Variants in ST8SIA1 observed in about 807,000 individuals in gnomAD.
ST8SIA1 encodes the protein alpha-N-acetylneuraminide alpha-2,8-sialyltransferase.
A neutral mutation model predicts 35.9 loss-of-function variants in ST8SIA1; 16 were observed. The ratio of observed to expected loss-of-function variants is 0.45; its 90% confidence interval spans 0.30 to 0.68. The LOEUF (loss-of-function observed/expected upper bound fraction) is 0.68, where lower values mean the gene tolerates loss of function less well. Among genes scored for constraint, ST8SIA1 ranks in the 30% least tolerant of loss-of-function variants. The pLI, the probability that ST8SIA1 is intolerant of heterozygous loss-of-function variation, is 0.09. For synonymous variants in ST8SIA1, 170 were observed against 169.6 expected, an observed-to-expected ratio of 1.00 and a Z score of -0.02; for missense variants, 383 against 453.6, an observed-to-expected ratio of 0.84 and a Z score of 1.41.
At chr12:22,266,848 T>TACACAC (rs145606826) in intron 2 of ST8SIA1, among the ~76,000 whole-genome samples, 261 of 145,042 alleles carry the variant, frequency 1.8e-3, no homozygotes, top group East Asian at 8.3e-3. Flanking sequence ...CACAAAAGTA[T>TACACAC]ACACACACAC....
chr12:22,311,683 T>C (rs1866450917), intron 1 of ST8SIA1, among the ~76,000 whole-genome samples: 1 of 152,148 alleles, frequency 6.6e-6, no homozygotes, highest in Non-Finnish European at 1.5e-5. Flanking sequence ...ACACTATTCA[T>C]GTTTTTATTT....
chr12:22,280,384 T>C (rs767136415), intron 2 of ST8SIA1, among the ~76,000 whole-genome samples: 11 of 152,180 alleles, frequency 7.2e-5, no homozygotes, highest in Non-Finnish European at 1.5e-4. Context: ...GAAAATGTTA[T>C]ATGGAACAGT....
intron 1 of ST8SIA1, among the ~76,000 whole-genome samples, chr12:22,321,373 C>G (rs769836495): frequency 6.6e-6 from 1 of 152,152 alleles, no homozygotes; most frequent in African/African-American, 2.4e-5. Flanking sequence ...AGGGTTCACG[C>G]GGAAGCAGCC....
At chr12:22,243,332 G>A (rs1865561254) in intron 4 of ST8SIA1, among the ~76,000 whole-genome samples, 1 of 152,006 alleles carries the variant, frequency 6.6e-6, no homozygotes, top group Admixed American at 6.5e-5. Context: ...CTGATGTCTT[G>A]GATTTGCACA....
chr12:22,257,241 TCGCTTAGTCA>T (rs1362797373), intron 2 of ST8SIA1, among the ~76,000 whole-genome samples: 1 of 152,026 alleles, frequency 6.6e-6, no homozygotes, highest in Non-Finnish European at 1.5e-5. Context: ...TGAGACAGTC[TCGCTTAGTCA>T]CCCAGGCTGG....
chr12:22,236,821 A>T (rs1336316762), intron 4 of ST8SIA1, among the ~76,000 whole-genome samples: 1 of 152,218 alleles, frequency 6.6e-6, no homozygotes, highest in Non-Finnish European at 1.5e-5. Flanking sequence ...AAGAAGATAA[A>T]TGGACATTTA....
intron 2 of ST8SIA1, among the ~76,000 whole-genome samples, chr12:22,281,607 T>C (rs1404452963): frequency 6.6e-6 from 1 of 151,872 alleles, no homozygotes. Context: ...GAGACTAGAG[T>C]ATTGTATGGG....
At chr12:22,295,324 G>C (rs1448028211) in intron 1 of ST8SIA1, among the ~76,000 whole-genome samples, 1 of 152,106 alleles carries the variant, frequency 6.6e-6, no homozygotes, top group Non-Finnish European at 1.5e-5. Flanking sequence ...CTGGGTCTGA[G>C]AATTAAATTG....
At chr12:22,257,745 A>C (rs1240188821) in intron 2 of ST8SIA1, among the ~76,000 whole-genome samples, 3 of 152,054 alleles carry the variant, frequency 2.0e-5, no homozygotes, top group African/African-American at 7.2e-5. Flanking sequence ...TAGGAAGGAT[A>C]TCAGAGAGTA....
At chr12:22,309,031 T>C (rs183592205) in intron 1 of ST8SIA1, among the ~76,000 whole-genome samples, 1 of 152,160 alleles carries the variant, frequency 6.6e-6, no homozygotes, top group South Asian at 2.1e-4. Flanking sequence ...CTAAAAGAGA[T>C]ACAAAAGAGA....
At chr12:22,328,117 T>C (rs139501189) in intron 1 of ST8SIA1, among the ~76,000 whole-genome samples, 124 of 152,272 alleles carry the variant, frequency 8.1e-4, no homozygotes, top group Admixed American at 1.8e-3. Context: ...AGCAAAGCAG[T>C]ATGCAGCCTA....
At chr12:22,278,544 A>C (rs1865997381) in intron 2 of ST8SIA1, among the ~76,000 whole-genome samples, 1 of 152,230 alleles carries the variant, frequency 6.6e-6, no homozygotes, top group Non-Finnish European at 1.5e-5. Flanking sequence ...CCCAAGATGT[A>C]TATAAAATCA....
chr12:22,308,899 ATC>A (rs1866416325), intron 1 of ST8SIA1, among the ~76,000 whole-genome samples: 2 of 152,026 alleles, frequency 1.3e-5, no homozygotes, highest in African/African-American at 4.8e-5. Context: ...TTTTCCTCCC[ATC>A]ACCTAAATAT....
chr12:22,247,741 G>A (rs1022606361), intron 4 of ST8SIA1, among the ~76,000 whole-genome samples: 9 of 151,806 alleles, frequency 5.9e-5, no homozygotes, highest in Non-Finnish European at 1.3e-4. Context: ...AAGTCTCATC[G>A]CATAAAAAAT....
chr12:22,284,971 T>C (rs1056292869), intron 2 of ST8SIA1, among the ~76,000 whole-genome samples: 2 of 152,226 alleles, frequency 1.3e-5, no homozygotes, highest in African/African-American at 2.4e-5. Context: ...AATGTTTCTA[T>C]GTGAGGAGCT....
intron 4 of ST8SIA1, among the ~76,000 whole-genome samples, chr12:22,222,625 T>G (rs767113483): frequency 6.6e-6 from 1 of 151,874 alleles, no homozygotes; most frequent in African/African-American, 2.4e-5. Flanking sequence ...TATATATATA[T>G]ATACACATAT....
At chr12:22,218,756 G>T (rs1482818361) in intron 4 of ST8SIA1, among the ~76,000 whole-genome samples, 1 of 151,806 alleles carries the variant, frequency 6.6e-6, no homozygotes, top group East Asian at 1.9e-4. Flanking sequence ...GGAGGCGGAG[G>T]TTGCAGTGAG....
intron 4 of ST8SIA1, among the ~76,000 whole-genome samples, chr12:22,225,823 T>C (rs1865350168): frequency 6.6e-6 from 1 of 152,178 alleles, no homozygotes. Flanking sequence ...AATCAACTTT[T>C]TAAAATTTTA....
intron 4 of ST8SIA1, among the ~76,000 whole-genome samples, chr12:22,235,022 AGTGT>A: frequency 6.6e-6 from 1 of 152,208 alleles, no homozygotes; most frequent in South Asian, 2.1e-4. Context: ...TTGTCTCATT[AGTGT>A]GTGTATGTGC....
Sources: gnomAD v4.1 joint callset for allele counts (sites outside exome capture counted in the v4.1 genomes callset) on GRCh38, gnomAD v4.1.1 for gene constraint, MANE v1.5 for transcripts, NCBI Gene and HGNC (gene_info 2026-07-23, HGNC 2026-07-21) for gene names.